Variants in RAI14 observed in about 807,000 individuals in gnomAD.
RAI14 encodes ankycorbin.
Under a neutral mutation model 115.4 loss-of-function variants are expected in RAI14, and 45 were observed. The ratio of observed to expected loss-of-function variants is 0.39; its 90% CI spans 0.31 to 0.50. The LOEUF is 0.50. Ranked by LOEUF, RAI14 falls within the 20% of genes least tolerant of loss-of-function variation. The pLI, the probability that RAI14 is intolerant of heterozygous loss-of-function variation, is 0.85. For synonymous variants in RAI14, 371 were observed against 415.4 expected (o/e 0.89, Z 1.30); for missense variants, 939 against 1,131.2 (o/e 0.83, Z 2.44).
At chr5:34,806,516 G>A (rs1225555981) in intron 5 of RAI14, among the ~76,000 whole-genome samples, 2 of 152,104 alleles carry the variant, frequency 1.3e-5, no homozygotes, top group Non-Finnish European at 2.9e-5. Context: ...AGGGTGTCGG[G>A]AACAAGAAAG....
intron 2 of RAI14, among the ~76,000 whole-genome samples, chr5:34,734,451 C>T (rs542111956): frequency 4.7e-4 from 71 of 152,290 alleles, no homozygotes; most frequent in African/African-American, 1.5e-3. Context: ...CAGCAGTAGG[C>T]TTTTGTCTCT....
chr5:34,688,501 G>A (rs906387631), intron 2 of RAI14, among the ~76,000 whole-genome samples: 4 of 152,028 alleles, frequency 2.6e-5, no homozygotes, highest in African/African-American at 9.7e-5. Context: ...GGTGTTGCTG[G>A]AATCTAGTTA....
chr5:34,804,438 C>T (rs1332813448), intron 5 of RAI14, among the ~76,000 whole-genome samples: 2 of 152,200 alleles, frequency 1.3e-5, no homozygotes, highest in Non-Finnish European at 2.9e-5. Context: ...AAAATGCAAA[C>T]TGGCTGTTTT....
At chr5:34,779,307 T>C (rs1224533480) in intron 3 of RAI14, among the ~76,000 whole-genome samples, 9 of 152,244 alleles carry the variant, frequency 5.9e-5, no homozygotes, top group Non-Finnish European at 1.0e-4. Flanking sequence ...CTTTGAAAAC[T>C]GGCACAAGAC....
intron 1 of RAI14, among the ~76,000 whole-genome samples, chr5:34,677,058 G>A (rs567416680): frequency 1.3e-5 from 2 of 152,180 alleles, no homozygotes; most frequent in Admixed American, 1.3e-4. Context: ...AGATTTATAA[G>A]ATAGTAATCA....
chr5:34,772,684 A>C (rs1015474497), intron 3 of RAI14, among the ~76,000 whole-genome samples: 1 of 151,900 alleles, frequency 6.6e-6, no homozygotes. Context: ...CTCCTGAATC[A>C]CCCTCCAGCC....
intron 1 of RAI14, among the ~76,000 whole-genome samples, chr5:34,675,135 T>C (rs1421931920): frequency 6.6e-6 from 1 of 152,196 alleles, no homozygotes; most frequent in East Asian, 1.9e-4. Flanking sequence ...GACCTTGTGA[T>C]CCACCCACCC....
intron 2 of RAI14, among the ~76,000 whole-genome samples, chr5:34,690,759 TTATGGA>T (rs779572476): frequency 0.16 from 24,290 of 152,150 alleles, 2,166 homozygotes; most frequent in East Asian, 0.3. Context: ...ATAAACAGCA[TTATGGA>T]ATTTCTATGG....
At chr5:34,759,223 A>G (rs1481868868) in intron 3 of RAI14, among the ~76,000 whole-genome samples, 3 of 152,222 alleles carry the variant, frequency 2.0e-5, no homozygotes, top group East Asian at 1.9e-4. Flanking sequence ...AGACTGCGCC[A>G]CTGCACTCCA....
At chr5:34,709,134 A>AG (rs935707888) in intron 2 of RAI14, among the ~76,000 whole-genome samples, 1 of 151,348 alleles carries the variant, frequency 6.6e-6, no homozygotes, top group African/African-American at 2.4e-5. Flanking sequence ...TATCTCAAAA[A>AG]AAAAAAAAAA....
chr5:34,694,652 T>C (rs1000139641), intron 2 of RAI14, among the ~76,000 whole-genome samples: 1 of 152,232 alleles, frequency 6.6e-6, no homozygotes, highest in Non-Finnish European at 1.5e-5. Flanking sequence ...TCTGATGGTC[T>C]CTAGCTGGCT....
At chr5:34,817,139 T>C (rs1271784789) in intron 12 of RAI14, among the ~76,000 whole-genome samples, 4 of 151,822 alleles carry the variant, frequency 2.6e-5, no homozygotes, top group African/African-American at 7.2e-5. Flanking sequence ...TAGTCAGGTG[T>C]GGTGGCGGGC....
intron 2 of RAI14, among the ~76,000 whole-genome samples, chr5:34,718,192 C>T (rs542594752): frequency 6.6e-6 from 1 of 152,188 alleles, no homozygotes; most frequent in Non-Finnish European, 1.5e-5. Context: ...AGAGAGAACA[C>T]GTGGTAACCA....
At chr5:34,811,686 C>CT in intron 8 of RAI14, 81 bp from the exon 9 acceptor site, 3 of 1,301,206 alleles carry the variant, frequency 2.3e-6, no homozygotes, top group South Asian at 2.9e-5. Context: ...CTTCTTTTCT[C>CT]TTTTTTTAAG....
intron 2 of RAI14, among the ~76,000 whole-genome samples, chr5:34,743,895 A>G (rs1235190545): frequency 1.1e-4 from 17 of 152,254 alleles, no homozygotes; most frequent in Admixed American, 1.0e-3. Context: ...TTCTTTAGCT[A>G]TCTCTTTGCC....
intron 2 of RAI14, among the ~76,000 whole-genome samples, chr5:34,742,252 C>A (rs1348478578): frequency 6.6e-6 from 1 of 152,140 alleles, no homozygotes; most frequent in African/African-American, 2.4e-5. Flanking sequence ...TCTTGATTGC[C>A]CATTGGCATG....
At chr5:34,724,564 G>T (rs184625456) in intron 2 of RAI14, among the ~76,000 whole-genome samples, 4 of 152,024 alleles carry the variant, frequency 2.6e-5, no homozygotes, top group Non-Finnish European at 1.5e-5. Context: ...CAAGTGGACC[G>T]AGAAATCCAA....
At chr5:34,693,116 C>T (rs972555790) in intron 2 of RAI14, among the ~76,000 whole-genome samples, 7 of 152,206 alleles carry the variant, frequency 4.6e-5, no homozygotes, top group Non-Finnish European at 7.3e-5. Context: ...TTAGGGCTCG[C>T]TATAATGACC....
intron 1 of RAI14, among the ~76,000 whole-genome samples, chr5:34,678,737 C>A (rs1744178679): frequency 6.6e-6 from 1 of 152,124 alleles, no homozygotes; most frequent in African/African-American, 2.4e-5. Context: ...TGGAGATCTC[C>A]CTCTTCTCAC....
Sources: allele counts gnomAD v4.1 joint callset (sites outside exome capture counted in the v4.1 genomes callset), GRCh38; gene constraint gnomAD v4.1.1; transcripts MANE v1.5; gene names NCBI Gene and HGNC (gene_info 2026-07-23, HGNC 2026-07-21).